Variants in IQSEC2 observed in about 807,000 individuals in gnomAD.
IQSEC2 encodes IQ motif and Sec7 domain ArfGEF 2.
IQSEC2 carries 6 observed loss-of-function variants against 74.6 expected under a neutral mutation model. The ratio of observed to expected loss-of-function variants is 0.08; its 90% CI spans 0.04 to 0.16. IQSEC2 has a LOEUF of 0.16. IQSEC2 is among the 10% of genes least tolerant of loss of function. The probability of loss-of-function intolerance (pLI) is 1.00; values close to 1 mark genes in which losing one functional copy is unlikely to be tolerated. For synonymous variants in IQSEC2, 494 were observed against 544.5 expected (o/e 0.91, Z 1.29); for missense variants, 734 against 1,306.2 (o/e 0.56, Z 6.75).
intron 2 of IQSEC2, among the ~76,000 whole-genome samples, chrX:53,257,958 C>G (rs1181729263): frequency 3.6e-5 from 4 of 111,621 alleles, no homozygotes; most frequent in African/African-American, 1.3e-4. Flanking sequence ...CCAGAGCCCA[C>G]ACTCTTAAAC....
intron 1 of IQSEC2, among the ~76,000 whole-genome samples, chrX:53,296,589 C>T (rs1340937633): frequency 9.0e-6 from 1 of 111,029 alleles, no homozygotes; most frequent in Admixed American, 9.6e-5. Flanking sequence ...GAGACGGAGC[C>T]TCACTCTGTC....
At chrX:53,301,379 G>A (rs1421895107) in intron 1 of IQSEC2, among the ~76,000 whole-genome samples, 1 of 111,743 alleles carries the variant, frequency 8.9e-6, no homozygotes, top group Non-Finnish European at 1.9e-5. Context: ...GGGTTGTACT[G>A]ATAAACAGAA....
chrX:53,241,463 T>C lies in IQSEC2; in HGVS notation c.3015+321A>G, dbSNP rs187344209. On this transcript the variant is annotated intron_variant, in intron 10 of 14. Transcript: ENST00000642864. Reference sequence around the variant, plus strand: ...CCAGACTGACCTGGGGGGTCGCAGGTTCACCCCTCTTCACACAACCCTATG... The same window carrying C: ...CCAGACTGACCTGGGGGGTCGCAGGCTCACCCCTCTTCACACAACCCTATG... Among the ~76,000 whole-genome samples the C allele has an allele frequency of 9.9e-5, 11 of 111,485 alleles. No homozygotes were observed. In the East Asian group the frequency reaches 3.1e-3, roughly 31 times the overall value.
intron 2 of IQSEC2, among the ~76,000 whole-genome samples, chrX:53,258,234 T>C (rs1219407047): frequency 1.8e-5 from 2 of 112,182 alleles, no homozygotes; most frequent in Non-Finnish European, 3.8e-5. Flanking sequence ...CCAGAAATTA[T>C]TGCTGATCCT....
intron 2 of IQSEC2, chrX:53,281,549 C>T (rs1556870889): frequency 2.6e-6 from 3 of 1,151,213 alleles, no homozygotes; most frequent in Admixed American, 5.3e-5. Flanking sequence ...AAGGGCAGGC[C>T]CCCTGGCCTA....
intron 2 of IQSEC2, chrX:53,279,323 C>A (rs2074899417): frequency 5.1e-6 from 2 of 392,627 alleles, no homozygotes; most frequent in African/African-American, 4.9e-5. Flanking sequence ...CTAGGACCAA[C>A]CACTCAGGCC....
rs183644900 is a variant in IQSEC2, at chrX:53,251,184, G to T, written c.1402-10C>A. On this transcript the variant is annotated splice_polypyrimidine_tract_variant and intron_variant, in intron 4 of 14. Coordinates refer to ENST00000642864, the MANE Select transcript of IQSEC2 (RefSeq NM_001111125.3). ...CAGCCAGAGACTTTACCTGTGCAAG[G>T]GGGGGAGGAGAGGAGGGAAAGGGAG... 199 of 1,203,560 alleles carry T rather than the reference G, an allele frequency of 1.7e-4. No homozygotes were observed. Among genetic ancestry groups the T allele is most frequent in the Non-Finnish European group, 2.1e-4 (189 of 891,291 alleles).
chrX:53,241,810 C>T lies in IQSEC2; in HGVS notation c.2989G>A (p.Val997Ile), dbSNP rs2074225799. ...PQRLGLHQRE[V>I]FLFNDLLVVT... ...ACAAGGAGATCATTGAAGAGGAAGA[C>T]CTCCCGCTGATGCAACCCTAGCCTC... is the stretch of plus-strand genomic sequence containing the variant. The change falls in exon 10 of 15, where the codon GTC becomes ATC. Residue 997 changes from valine to isoleucine, a missense_variant. By Grantham distance (29) the Val-to-Ile change is conservative. Transcript: ENST00000642864. The T allele has an allele frequency of 1.7e-6, 2 of 1,211,631 alleles. No individual in the cohort carries two copies. Among genetic ancestry groups the T allele is most frequent in the Admixed American group, 2.2e-5 (1 of 46,084 alleles).
At chrX:53,306,043 C>A (rs1490982288) in intron 1 of IQSEC2, among the ~76,000 whole-genome samples, 1 of 112,731 alleles carries the variant, frequency 8.9e-6, no homozygotes, top group Non-Finnish European at 1.9e-5. Context: ...TCTAGCCCTG[C>A]CTTCTCTCCT....
At chrX:53,299,523 A>C (rs1280717328) in intron 1 of IQSEC2, among the ~76,000 whole-genome samples, 2 of 111,004 alleles carry the variant, frequency 1.8e-5, no homozygotes, top group Non-Finnish European at 3.8e-5. Flanking sequence ...GAGTTGAAGG[A>C]GGTTGGAGTC....
chrX:53,266,483 C>T (rs918547762), intron 2 of IQSEC2: 1 of 754,624 alleles, frequency 1.3e-6, no homozygotes, highest in African/African-American at 2.3e-5. Context: ...CAGCAATGGC[C>T]ACAGCAAGGG....
At chrX:53,284,406 C>G (rs2075005443) in intron 2 of IQSEC2, among the ~76,000 whole-genome samples, 3 of 109,531 alleles carry the variant, frequency 2.7e-5, no homozygotes, top group Non-Finnish European at 5.7e-5. Context: ...ACCTGCAACT[C>G]TCTCAGCTAC....
intron 5 of IQSEC2, 124 bp from the exon 6 acceptor site, chrX:53,249,006 A>G: frequency 1.5e-6 from 1 of 653,253 alleles, no homozygotes; most frequent in South Asian, 2.5e-5. Flanking sequence ...AGTCAAATAC[A>G]TAATTTGATC....
intron 5 of IQSEC2, among the ~76,000 whole-genome samples, chrX:53,249,864 C>T (rs2074358889): frequency 9.0e-6 from 1 of 111,327 alleles, no homozygotes; most frequent in African/African-American, 3.3e-5. Flanking sequence ...AAAATGGAAG[C>T]CCAGGGGAGG....
At chrX:53,256,529 C>T (rs986293876) in intron 2 of IQSEC2, among the ~76,000 whole-genome samples, 1 of 111,227 alleles carries the variant, frequency 9.0e-6, no homozygotes, top group African/African-American at 3.3e-5. Context: ...CCAGCACCAC[C>T]CCAGACTAGC....
chrX:53,259,656 C>G (rs782537821), intron 2 of IQSEC2, among the ~76,000 whole-genome samples: 1 of 110,565 alleles, frequency 9.0e-6, no homozygotes, highest in East Asian at 2.8e-4. Context: ...AAAAATTAGC[C>G]AGGCGTGGTG....
At position 53,233,815 on chromosome X, in the gene IQSEC2, C is replaced by T. The variant is rs926999749; in HGVS notation, c.*404G>A. The T allele has an allele frequency of 1.0e-5, 3 of 296,515 alleles. No individual in the cohort carries two copies. The highest frequency in any genetic ancestry group is 1.2e-4 in the Admixed American group (2 of 16,332). The allele number at this position is 296,515 out of a possible 1,213,427, so 24.4% of individuals were successfully genotyped here. On this transcript the variant is annotated 3_prime_UTR_variant, in exon 15 of 15. Transcript: ENST00000642864. ...CAGAGGAGCCCCAGGGAAGCCTTCA[C>T]CCCGACAGCTCCGGACACCTGCCCT...
At chrX:53,239,152 A>G in intron 11 of IQSEC2, 43 bp downstream of exon 11, 2 of 996,906 alleles carry the variant, frequency 2.0e-6, no homozygotes, top group Non-Finnish European at 2.9e-6. Context: ...CATGGGGGCC[A>G]TGACATAGAC....
chrX:53,300,081 T>C (rs2480443), intron 1 of IQSEC2, among the ~76,000 whole-genome samples: 11,365 of 110,942 alleles, frequency 0.1, 489 homozygotes, highest in East Asian at 0.21. Flanking sequence ...ACTTTCAACA[T>C]TCCCATTCTC....
Sources: allele counts gnomAD v4.1 joint callset (sites outside exome capture counted in the v4.1 genomes callset), GRCh38; gene constraint gnomAD v4.1.1; transcripts MANE v1.5; gene names NCBI Gene and HGNC (gene_info 2026-07-23, HGNC 2026-07-21).